Variants in PTPN2 observed in about 807,000 individuals in gnomAD.
The protein encoded by PTPN2 is tyrosine-protein phosphatase non-receptor type 2.
PTPN2 carries 19 observed loss-of-function variants against 57.3 expected under a neutral mutation model. That is an observed-to-expected ratio of 0.33 (90% confidence interval 0.23 to 0.49). PTPN2 has a LOEUF of 0.49. Ranked by LOEUF, PTPN2 falls within the 20% of genes least tolerant of loss-of-function variation. The pLI, the probability that PTPN2 is intolerant of heterozygous loss-of-function variation, is 0.99. For synonymous variants in PTPN2, 153 were observed against 164.9 expected (o/e 0.93, Z 0.55); for missense variants, 358 against 501.1 (o/e 0.71, Z 2.73).
intron 1 of PTPN2, among the ~76,000 whole-genome samples, chr18:12,865,293 G>C (rs1210095692): frequency 6.6e-6 from 1 of 151,980 alleles, no homozygotes; most frequent in African/African-American, 2.4e-5. Flanking sequence ...AAATTAGCAA[G>C]GCATGGTGGT....
chr18:12,821,814 G>T (rs2042278117), intron 5 of PTPN2, among the ~76,000 whole-genome samples: 1 of 152,204 alleles, frequency 6.6e-6, no homozygotes, highest in Non-Finnish European at 1.5e-5. Context: ...ACTGGACACA[G>T]ACTTTTTTTG....
chr18:12,811,850 GT>G (rs1376874538), intron 7 of PTPN2, among the ~76,000 whole-genome samples: 1 of 151,812 alleles, frequency 6.6e-6, no homozygotes, highest in Non-Finnish European at 1.5e-5. Flanking sequence ...TTCTAATTCT[GT>G]GCTCACGTTG....
At chr18:12,848,116 T>TA (rs1156517260) in intron 2 of PTPN2, among the ~76,000 whole-genome samples, 5 of 152,172 alleles carry the variant, frequency 3.3e-5, no homozygotes, top group African/African-American at 1.2e-4. Context: ...TTAACTTAAA[T>TA]CTATACTTAT....
intron 2 of PTPN2, among the ~76,000 whole-genome samples, chr18:12,857,460 G>T (rs2043632953): frequency 6.6e-6 from 1 of 151,986 alleles, no homozygotes; most frequent in South Asian, 2.1e-4. Flanking sequence ...CTAGGTGAGG[G>T]GTATACTCGA....
chr18:12,883,870 C>CTTTTTT (rs397959555), intron 1 of PTPN2: 30 of 389,582 alleles, frequency 7.7e-5, no homozygotes, highest in South Asian at 2.8e-4. Context: ...CTCAAGTATG[C>CTTTTTT]TTTTTTTTTT....
In PTPN2 at chr18:12,866,369, C is replaced by T. The variant is rs187112541; in HGVS notation, c.70-7115G>A. 1.2e-4 allele frequency among the ~76,000 whole-genome samples: 18 copies of T among 152,062 alleles called. No individual in the cohort carries two copies. In the East Asian group the frequency reaches 1.4e-3, roughly 11 times the overall value. The stretch of plus-strand genomic sequence containing the variant: ...AGGAGAATGGCGTGAACCCAGGAGG[C>T]GGGGCTTGCAGTGAGCCAAGATTGC... On this transcript the variant is annotated intron_variant, in intron 1 of 8. Transcript: ENST00000309660.
intron 5 of PTPN2, chr18:12,821,301 C>G (rs1307602926): frequency 6.6e-6 from 1 of 152,196 alleles, no homozygotes; most frequent in Non-Finnish European, 1.5e-5. Flanking sequence ...AAATGCTTAA[C>G]AGATACTGGA....
rs533802352 is a variant in PTPN2, at chr18:12,850,154, T to C, written c.160+9010A>G. ...TTTTTTTTTCTCATTCTCTTATTTT[T>C]ACTCTAAATTAGGTTAGACAGCACA... is the stretch of plus-strand genomic sequence containing the variant. On this transcript the variant is annotated intron_variant, in intron 2 of 8. Coordinates refer to ENST00000309660, the MANE Select transcript of PTPN2 (RefSeq NM_002828.4). Among the ~76,000 whole-genome samples, 114 of 152,162 alleles carry C rather than the reference T, an allele frequency of 7.5e-4. 1 individual carries two copies. The highest frequency in any genetic ancestry group is 1.5e-3 in the Non-Finnish European group (101 of 68,036).
intron 2 of PTPN2, among the ~76,000 whole-genome samples, chr18:12,840,405 C>A (rs1308740261): frequency 6.6e-6 from 1 of 152,214 alleles, no homozygotes; most frequent in Non-Finnish European, 1.5e-5. Flanking sequence ...AGAATACAAA[C>A]TTTAGTACAC....
intron 3 of PTPN2, among the ~76,000 whole-genome samples, chr18:12,835,925 G>A (rs2042848244): frequency 6.6e-6 from 1 of 151,988 alleles, no homozygotes; most frequent in African/African-American, 2.4e-5. Flanking sequence ...TGACTTGCAG[G>A]AGCTGTACTA....
intron 3 of PTPN2, among the ~76,000 whole-genome samples, chr18:12,834,998 T>C (rs2042803814): frequency 6.6e-6 from 1 of 152,072 alleles, no homozygotes; most frequent in African/African-American, 2.4e-5. Context: ...CTGTAGAACC[T>C]GCAGATACAA....
intron 1 of PTPN2, chr18:12,880,556 G>A (rs2044635160): frequency 6.6e-6 from 1 of 152,238 alleles, no homozygotes; most frequent in East Asian, 1.9e-4. Context: ...TCCCTTTAAG[G>A]TATCTGTTAA....
chr18:12,871,388 T>A lies in PTPN2; in HGVS notation c.70-12134A>T, dbSNP rs569952621. Among the ~76,000 whole-genome samples the A allele has an allele frequency of 8.3e-5, 12 of 145,436 alleles. No individual in the cohort carries two copies. In the East Asian group the frequency reaches 2.3e-3, roughly 28 times the overall value. Reference sequence around the variant, plus strand: ...TCTGATAGGTGAAAAATGGTATTATTATAGTCATAATTTGAAATTGTTATT... The same window carrying A: ...TCTGATAGGTGAAAAATGGTATTATAATAGTCATAATTTGAAATTGTTATT... On this transcript the variant is annotated intron_variant, in intron 1 of 8. Transcript: ENST00000309660.
At chr18:12,796,263 G>A (rs1306094183) in intron 8 of PTPN2, among the ~76,000 whole-genome samples, 1 of 152,162 alleles carries the variant, frequency 6.6e-6, no homozygotes, top group African/African-American at 2.4e-5. Flanking sequence ...AACAGCTACA[G>A]AAGTTGGGAT....
chr18:12,852,169 G>A (rs956017477), intron 2 of PTPN2, among the ~76,000 whole-genome samples: 1 of 141,462 alleles, frequency 7.1e-6, no homozygotes, highest in African/African-American at 2.6e-5. Context: ...ACACCTACAA[G>A]AAATTTATGG....
chr18:12,796,848 T>C (rs1171288822), intron 8 of PTPN2, among the ~76,000 whole-genome samples: 15 of 152,224 alleles, frequency 9.9e-5, no homozygotes, highest in Admixed American at 9.8e-4. Context: ...CGGCATTTAA[T>C]TTGAAGTAAT....
Position 12,870,351 on chromosome 18 carries a change from GTGTA to G in PTPN2, c.70-11101_70-11098del, listed in dbSNP as rs1347532667. On this transcript the variant is annotated intron_variant, in intron 1 of 8. Coordinates refer to ENST00000309660, the MANE Select transcript of PTPN2 (RefSeq NM_002828.4). ...TATATGTATATATATACATATATAT[GTGTA>G]TATATATGTGTATATATACATATAT... Among the ~76,000 whole-genome samples the G allele has an allele frequency of 1.2e-3, 34 of 28,692 alleles. 4 individuals are homozygous for G. In the East Asian group the frequency reaches 0.036, roughly 31 times the overall value. The allele number at this position is 28,692 out of a possible 152,430, so 18.8% of individuals were successfully genotyped here.
At chr18:12,870,040 T>A (rs1027669162) in intron 1 of PTPN2, among the ~76,000 whole-genome samples, 1 of 151,558 alleles carries the variant, frequency 6.6e-6, no homozygotes, top group Admixed American at 6.6e-5. Context: ...TTTTCTTCAC[T>A]ACATTTTTTT....
intron 5 of PTPN2, chr18:12,818,981 C>G (rs2145325091): frequency 4.1e-6 from 1 of 241,112 alleles, no homozygotes; most frequent in Middle Eastern, 1.5e-3. Context: ...GTAATCCCAG[C>G]TACTTGGGAG....
Sources: allele counts gnomAD v4.1 joint callset (sites outside exome capture counted in the v4.1 genomes callset), GRCh38; gene constraint gnomAD v4.1.1; transcripts MANE v1.5; gene names NCBI Gene and HGNC (gene_info 2026-07-23, HGNC 2026-07-21).